Variants in PLEKHA6 observed in about 807,000 individuals in gnomAD.
PLEKHA6 encodes the protein pleckstrin homology domain-containing family A member 6.
PLEKHA6 carries 60 observed loss-of-function variants against 116.7 expected under a neutral mutation model. The observed-to-expected ratio is 0.51, with a 90% CI of 0.42 to 0.64. PLEKHA6 has a LOEUF of 0.64. Among genes scored for constraint, PLEKHA6 ranks in the 30% least tolerant of loss-of-function variants. PLEKHA6 has a pLI of 0.00. For missense variants in PLEKHA6, 1,338 were observed against 1,422.7 expected (o/e 0.94, Z 0.96); for synonymous variants, 489 against 556.1 (o/e 0.88, Z 1.70).
chr1:204,333,289 A>G (rs1426862265), intron 1 of PLEKHA6, among the ~76,000 whole-genome samples: 2 of 152,202 alleles, frequency 1.3e-5, no homozygotes, highest in Non-Finnish European at 2.9e-5. Flanking sequence ...GCTTTGCCCA[A>G]AGCAAAGTGG....
chr1:204,257,003 C>A lies in PLEKHA6; in HGVS notation c.1524+350G>T. ...TTCAGTTCCCAGAGCAGATCCCAAA[C>A]TGAAATGGACAGCAGCCCCCCTTGC... On this transcript the variant is annotated intron_variant, in intron 9 of 22. Coordinates refer to ENST00000272203, the MANE Select transcript of PLEKHA6 (RefSeq NM_014935.5). The surrounding 1 kb of genome is among the most constrained non-coding windows in gnomAD (Gnocchi z 6.5). 1.7e-6 allele frequency: 1 copy of A among 577,914 alleles called. No homozygotes were observed. Among genetic ancestry groups the A allele is most frequent in the Non-Finnish European group, 3.1e-6 (1 of 325,874 alleles). 35.8% of individuals were successfully genotyped at this position (577,914 alleles called of 1,614,324 possible).
At chr1:204,334,622 C>A (rs981489967) in intron 1 of PLEKHA6, among the ~76,000 whole-genome samples, 3 of 152,098 alleles carry the variant, frequency 2.0e-5, no homozygotes, top group Non-Finnish European at 4.4e-5. Flanking sequence ...TGACAGGGCG[C>A]AGTGGGTGGT....
intron 1 of PLEKHA6, among the ~76,000 whole-genome samples, chr1:204,327,727 C>G (rs1477669661): frequency 1.3e-5 from 2 of 152,228 alleles, no homozygotes; most frequent in Non-Finnish European, 2.9e-5. Flanking sequence ...ACTCAGGGGG[C>G]CTGTCTCAAG....
chr1:204,345,054 A>G (rs917289635), intron 1 of PLEKHA6, among the ~76,000 whole-genome samples: 1 of 152,230 alleles, frequency 6.6e-6, no homozygotes, highest in Non-Finnish European at 1.5e-5. Flanking sequence ...GTGGGGAGAT[A>G]CACATTTATC....
upstream of PLEKHA6, among the ~76,000 whole-genome samples, chr1:204,364,888 G>C (rs73061814): frequency 3.7e-4 from 56 of 152,336 alleles, no homozygotes; most frequent in African/African-American, 1.3e-3. Context: ...TGTGATACAC[G>C]CTCCAGTTGG....
At chr1:204,243,306 G>A in intron 15 of PLEKHA6, 1 of 399,754 alleles carries the variant, frequency 2.5e-6, no homozygotes, top group Non-Finnish European at 4.4e-6. Flanking sequence ...AACAAGAGCA[G>A]CCACTGTGAG....
chr1:204,377,228 C>T (rs1436271090), intron 1 of PLEKHA6, among the ~76,000 whole-genome samples: 1 of 152,152 alleles, frequency 6.6e-6, no homozygotes, highest in Non-Finnish European at 1.5e-5. Context: ...AAATGAAAGA[C>T]CTACCTCTGG....
At chr1:204,235,217 T>C (rs1283986362) in intron 17 of PLEKHA6, among the ~76,000 whole-genome samples, 1 of 151,732 alleles carries the variant, frequency 6.6e-6, no homozygotes, top group Non-Finnish European at 1.5e-5. Flanking sequence ...CTACTTCTAA[T>C]AGTATGGAGA....
At chr1:204,342,156 T>C (rs1672868862) in intron 1 of PLEKHA6, among the ~76,000 whole-genome samples, 1 of 151,976 alleles carries the variant, frequency 6.6e-6, no homozygotes, top group Non-Finnish European at 1.5e-5. Context: ...CTGCACTCCC[T>C]CCTGGGCAAC....
chr1:204,273,810 T>C (rs1294571488), intron 2 of PLEKHA6, 70 bp from the exon 3 acceptor site: 1 of 1,054,304 alleles, frequency 9.5e-7, no homozygotes, highest in Non-Finnish European at 1.5e-6. Flanking sequence ...CCCATCCTTT[T>C]TCCACACCCT....
In PLEKHA6 at chr1:204,289,434, T is replaced by C. The variant is rs531786697; in HGVS notation, c.-94-14625A>G. Among the ~76,000 whole-genome samples, 291 of 152,298 alleles carry C rather than the reference T, an allele frequency of 1.9e-3. 3 individuals carry two copies. In the South Asian group the frequency reaches 0.025, roughly 13 times the overall value. Reference sequence around the variant, plus strand: ...GCACCTCCTCCTTATCACCCCTGGTTCCTGTTTGCCTATCAGTAGCCCAGC... The same window carrying C: ...GCACCTCCTCCTTATCACCCCTGGTCCCTGTTTGCCTATCAGTAGCCCAGC... On this transcript the variant is annotated intron_variant, in intron 1 of 22. Coordinates refer to ENST00000272203, the MANE Select transcript of PLEKHA6 (RefSeq NM_014935.5).
chr1:204,261,262 C>T lies in PLEKHA6; in HGVS notation c.524+44G>A, dbSNP rs763696881. The T allele has an allele frequency of 3.1e-6, 5 of 1,611,660 alleles. No individual in the cohort carries two copies. Among genetic ancestry groups the T allele is most frequent in the Non-Finnish European group, 2.5e-6 (3 of 1,177,722 alleles). Reference sequence around the variant, plus strand: ...AGCTGGGTGTGTCTTCCATTCCCCTCTTTATTCTTCCTGCACCCCCACACT... The same window carrying T: ...AGCTGGGTGTGTCTTCCATTCCCCTTTTTATTCTTCCTGCACCCCCACACT... On this transcript the variant is annotated intron_variant, in intron 7 of 22. Coordinates refer to ENST00000272203, the MANE Select transcript of PLEKHA6 (RefSeq NM_014935.5). This position sits in a 1 kb window ranked among gnomAD's most constrained non-coding sequence, Gnocchi z 4.0.
At chr1:204,359,508 C>T (rs566812105) in intron 1 of PLEKHA6, 186 bp downstream of exon 1, 2 of 593,436 alleles carry the variant, frequency 3.4e-6, no homozygotes, top group Non-Finnish European at 4.2e-6. Flanking sequence ...ACAGGGAGGG[C>T]TATAATTAGC....
chr1:204,334,554 A>G (rs1235776455), intron 1 of PLEKHA6, among the ~76,000 whole-genome samples: 5 of 152,166 alleles, frequency 3.3e-5, no homozygotes, highest in Admixed American at 3.3e-4. Flanking sequence ...TAATTAATAT[A>G]TCTACCACTT....
At chr1:204,302,479 C>T (rs979763689) in intron 1 of PLEKHA6, among the ~76,000 whole-genome samples, 4 of 152,186 alleles carry the variant, frequency 2.6e-5, no homozygotes. Flanking sequence ...AGCTGTACTC[C>T]CTAATGCTGT....
At chr1:204,295,351 G>A (rs1670165775) in intron 1 of PLEKHA6, among the ~76,000 whole-genome samples, 1 of 152,090 alleles carries the variant, frequency 6.6e-6, no homozygotes, top group Non-Finnish European at 1.5e-5. Flanking sequence ...GTAACCAGGT[G>A]TGGTGGCACA....
At chr1:204,268,682 G>C (rs567186751) in intron 3 of PLEKHA6, among the ~76,000 whole-genome samples, 138 of 151,098 alleles carry the variant, frequency 9.1e-4, no homozygotes, top group Admixed American at 2.2e-3. Flanking sequence ...GTGTGTTCTG[G>C]AAGTTAACTC....
chr1:204,281,047 G>T (rs1668539347), intron 1 of PLEKHA6: 2 of 962,816 alleles, frequency 2.1e-6, no homozygotes, highest in African/African-American at 1.8e-5. Flanking sequence ...CCTTAGCCAG[G>T]CATGGTAGCA....
At chr1:204,237,486 C>T (rs1662223876) in intron 17 of PLEKHA6, among the ~76,000 whole-genome samples, 1 of 152,182 alleles carries the variant, frequency 6.6e-6, no homozygotes, top group Non-Finnish European at 1.5e-5. Context: ...CCCATTTGGC[C>T]TGTGCAGAAG....
Sources: allele counts gnomAD v4.1 joint callset (sites outside exome capture counted in the v4.1 genomes callset), GRCh38; gene constraint gnomAD v4.1.1; non-coding constraint Gnocchi (gnomAD v3.1); transcripts MANE v1.5; gene names NCBI Gene and HGNC (gene_info 2026-07-23, HGNC 2026-07-21).